The following HS6ST3 variants were observed in gnomAD, a reference collection of about 807,000 sequenced individuals.
HS6ST3 encodes the protein heparan sulfate 6-O-sulfotransferase 3, also known as heparan-sulfate 6-O-sulfotransferase 3.
A neutral mutation model predicts 36.7 loss-of-function variants in HS6ST3; 12 were observed. That is an observed-to-expected ratio of 0.33 (90% confidence interval 0.21 to 0.53). The LOEUF is 0.53. Among genes scored for constraint, HS6ST3 ranks in the 20% least tolerant of loss-of-function variants. HS6ST3 has a pLI of 0.95. For synonymous variants in HS6ST3, 240 were observed against 257.5 expected (o/e 0.93, Z 0.65); for missense variants, 584 against 640.9 (o/e 0.91, Z 0.96).
intron 1 of HS6ST3, among the ~76,000 whole-genome samples, chr13:96,190,141 A>G (rs77601303): frequency 0.012 from 1,755 of 152,330 alleles, 35 homozygotes; most frequent in African/African-American, 0.041. Context: ...GTTTGATAGG[A>G]TCATATGTAT....
chr13:96,698,590 TG>T (rs1470868031), intron 1 of HS6ST3, among the ~76,000 whole-genome samples: 1 of 152,042 alleles, frequency 6.6e-6, no homozygotes, highest in African/African-American at 2.4e-5. Context: ...TGCAAACCAT[TG>T]ATCAATAAAA....
chr13:96,644,920 A>G (rs76095610), intron 1 of HS6ST3, among the ~76,000 whole-genome samples: 5 of 151,994 alleles, frequency 3.3e-5, no homozygotes, highest in African/African-American at 1.2e-4. Context: ...GATGATCTCT[A>G]AGAAAATTTT....
chr13:96,543,757 A>C (rs539955020), intron 1 of HS6ST3, among the ~76,000 whole-genome samples: 2 of 152,158 alleles, frequency 1.3e-5, no homozygotes, highest in Non-Finnish European at 2.9e-5. Flanking sequence ...CTTCAGTTAC[A>C]TAGGAAACAT....
At chr13:96,777,613 A>T (rs1197111059) in intron 1 of HS6ST3, among the ~76,000 whole-genome samples, 2 of 152,216 alleles carry the variant, frequency 1.3e-5, no homozygotes, top group African/African-American at 2.4e-5. Flanking sequence ...AATACAACTT[A>T]CGGGGATGTG....
At chr13:96,768,722 T>G (rs1190982206) in intron 1 of HS6ST3, among the ~76,000 whole-genome samples, 1 of 152,032 alleles carries the variant, frequency 6.6e-6, no homozygotes, top group Admixed American at 6.6e-5. Flanking sequence ...ATGCAAATGA[T>G]GCCATCGATC....
intron 1 of HS6ST3, among the ~76,000 whole-genome samples, chr13:96,103,566 GT>G (rs145801773): frequency 1.3e-5 from 2 of 152,090 alleles, no homozygotes; most frequent in Non-Finnish European, 1.5e-5. Flanking sequence ...CCTATATCCT[GT>G]TTTTTTGGAG....
At chr13:96,494,712 A>G (rs1270250133) in intron 1 of HS6ST3, among the ~76,000 whole-genome samples, 1 of 152,006 alleles carries the variant, frequency 6.6e-6, no homozygotes, top group African/African-American at 2.4e-5. Flanking sequence ...TAAGAAAAAG[A>G]TAAAATATGC....
At chr13:96,812,179 A>C (rs1489130601) in intron 1 of HS6ST3, among the ~76,000 whole-genome samples, 1 of 152,134 alleles carries the variant, frequency 6.6e-6, no homozygotes, top group Non-Finnish European at 1.5e-5. Flanking sequence ...TTTGTATAGA[A>C]AACTTTACAG....
At chr13:96,297,078 T>A (rs544594059) in intron 1 of HS6ST3, among the ~76,000 whole-genome samples, 1 of 152,264 alleles carries the variant, frequency 6.6e-6, no homozygotes. Context: ...TATTACAGAC[T>A]CTTTAGCATT....
intron 1 of HS6ST3, among the ~76,000 whole-genome samples, chr13:96,419,725 G>A (rs1246132784): frequency 6.6e-6 from 1 of 152,118 alleles, no homozygotes; most frequent in East Asian, 1.9e-4. Context: ...AGCTTCTGGT[G>A]TTTTGCTGGC....
At chr13:96,194,810 C>T (rs538409096) in intron 1 of HS6ST3, among the ~76,000 whole-genome samples, 1 of 151,906 alleles carries the variant, frequency 6.6e-6, no homozygotes, top group Non-Finnish European at 1.5e-5. Flanking sequence ...CTGTTCTACT[C>T]TGTTCCTATT....
chr13:96,134,367 C>A (rs963979964), intron 1 of HS6ST3, among the ~76,000 whole-genome samples: 61 of 151,208 alleles, frequency 4.0e-4, no homozygotes, highest in African/African-American at 1.5e-3. Context: ...TATTTTTTTA[C>A]CCCCTCTTTT....
intron 1 of HS6ST3, among the ~76,000 whole-genome samples, chr13:96,592,583 A>G (rs2056386505): frequency 1.3e-5 from 2 of 152,138 alleles, no homozygotes; most frequent in Admixed American, 1.3e-4. Flanking sequence ...TCCCTTTAGC[A>G]TTTCTTGTAG....
chr13:96,466,448 C>T (rs1163597079), intron 1 of HS6ST3, among the ~76,000 whole-genome samples: 1 of 152,132 alleles, frequency 6.6e-6, no homozygotes, highest in East Asian at 1.9e-4. Context: ...CCTCCATCTA[C>T]CTGCTGTCCC....
At chr13:96,706,207 G>A (rs9516740) in intron 1 of HS6ST3, among the ~76,000 whole-genome samples, 1 of 151,710 alleles carries the variant, frequency 6.6e-6, no homozygotes, top group Non-Finnish European at 1.5e-5. Context: ...TCTTCCCCTA[G>A]GACCATATGC....
chr13:96,328,897 G>T (rs371619639), intron 1 of HS6ST3, among the ~76,000 whole-genome samples: 17 of 151,866 alleles, frequency 1.1e-4, no homozygotes, highest in Non-Finnish European at 1.8e-4. Context: ...ACTTCTTCCT[G>T]GTTTAGTCTT....
At chr13:96,818,881 C>A (rs1346725191) in intron 1 of HS6ST3, among the ~76,000 whole-genome samples, 1 of 152,214 alleles carries the variant, frequency 6.6e-6, no homozygotes, top group Non-Finnish European at 1.5e-5. Context: ...ATCAAAAGAA[C>A]TCCACATCCA....
intron 1 of HS6ST3, among the ~76,000 whole-genome samples, chr13:96,424,911 C>A (rs1246508150): frequency 6.6e-6 from 1 of 152,022 alleles, no homozygotes; most frequent in Non-Finnish European, 1.5e-5. Context: ...GTGCCACTAA[C>A]CTACTATACA....
intron 1 of HS6ST3, among the ~76,000 whole-genome samples, chr13:96,370,563 C>A (rs2055284466): frequency 6.6e-6 from 1 of 152,166 alleles, no homozygotes; most frequent in African/African-American, 2.4e-5. Flanking sequence ...TGTCTCCAGA[C>A]CCTCTCAAGG....
Sources: gnomAD v4.1 joint callset for allele counts (sites outside exome capture counted in the v4.1 genomes callset) on GRCh38, gnomAD v4.1.1 for gene constraint, MANE v1.5 for transcripts, NCBI Gene and HGNC (gene_info 2026-07-23, HGNC 2026-07-21) for gene names.